The following TRARG1 variants were observed in gnomAD, a reference collection of about 807,000 sequenced individuals.
TRARG1 encodes the protein trafficking regulator of GLUT4 1.
Under a neutral mutation model 13.3 loss-of-function variants are expected in TRARG1, and 16 were observed. That is an observed-to-expected ratio of 1.20 (90% CI 0.81 to 1.83). The LOEUF is 1.83. Ranked by LOEUF, TRARG1 falls within the 40% of genes most tolerant of loss-of-function variation. The probability of loss-of-function intolerance (pLI) is 0.00; values close to 1 mark genes in which losing one functional copy is unlikely to be tolerated. For missense variants in TRARG1, 250 were observed against 237.4 expected (o/e 1.05, Z -0.35); for synonymous variants, 113 against 106.2 (o/e 1.06, Z -0.39).
rs1368006465 is a variant in TRARG1, at chr17:1,280,090, T to C, written c.89T>C (p.Leu30Pro). The change falls in exon 1 of 3, where the codon CTC (leucine) becomes CCC (proline). Residue 30 changes from leucine to proline, a missense_variant. Physicochemically the swap from Leu to Pro is moderately conservative, Grantham distance 98 (BLOSUM62 -3). Transcript: ENST00000333813. ...GACCTGCCGGAGATGGAGATACTCC[T>C]CACCAAGGCAGAGAACAAGGATGAC... is the stretch of plus-strand genomic sequence containing the variant. ...FLDLPEMEIL[L>P]TKAENKDDKT... 1.2e-6 allele frequency: 2 copies of C among 1,613,586 alleles called. No homozygotes were observed. The highest frequency in any genetic ancestry group is 2.2e-5 in the South Asian group (2 of 91,074).
intron 1 of TRARG1, among the ~76,000 whole-genome samples, chr17:1,281,005 G>A (rs541253513): frequency 2.0e-5 from 3 of 152,206 alleles, no homozygotes; most frequent in African/African-American, 7.2e-5. Flanking sequence ...CCACAGCTAC[G>A]CTGACTTCAG....
In TRARG1 at chr17:1,285,868, G is replaced by A. The variant is rs2072016092; in HGVS notation, c.387+5480G>A. On this transcript the variant is annotated intron_variant, in intron 1 of 2. Transcript: ENST00000333813. ...TATTTTGAAAAGGAGATTCCAGGAG[G>A]TGGAAGGAAATCTTGGAAAGGGGCA... Among the ~76,000 whole-genome samples the A allele has an allele frequency of 2.0e-5, 3 of 152,282 alleles. 1 individual carries two copies. In the Middle Eastern group the frequency reaches 0.01, roughly 518 times the overall value.
intron 1 of TRARG1, among the ~76,000 whole-genome samples, chr17:1,282,422 G>T (rs2071990532): frequency 6.6e-6 from 1 of 151,970 alleles, no homozygotes; most frequent in Non-Finnish European, 1.5e-5. Flanking sequence ...CCAGGCTGGA[G>T]TGCAATGGTG....
rs1454723350 is a variant in TRARG1 at position 1,296,177 on chromosome 17, C to T, written c.520+554C>T. The stretch of plus-strand genomic sequence containing the variant: ...GGTGAAGTCATCCAACCAGGGGAAA[C>T]ATTTTTTATTATTTTGTATTAATTA... On this transcript the variant is annotated intron_variant, in intron 2 of 2. Transcript: ENST00000333813. 3.3e-5 allele frequency among the ~76,000 whole-genome samples: 5 copies of T among 152,332 alleles called. No homozygotes were observed. The South Asian group carries it at 6.2e-4, about 19-fold the overall frequency.
At position 1,298,897 on chromosome 17, in the gene TRARG1, G is replaced by C. The variant is rs531667622; in HGVS notation, c.*633G>C. 1 of 152,334 alleles carries C rather than the reference G, an allele frequency of 6.6e-6. No homozygotes were observed. The highest frequency in any genetic ancestry group is 1.5e-5 in the Non-Finnish European group (1 of 68,114). 9.4% of individuals were successfully genotyped at this position (152,334 alleles called of 1,614,324 possible). On this transcript the variant is annotated 3_prime_UTR_variant, in exon 3 of 3. Coordinates refer to ENST00000333813, the MANE Select transcript of TRARG1 (RefSeq NM_172367.3). ...GCAACTGCCTCACTTAACATCCTCC[G>C]CTGCAAGGTGGTGGCGCCGAGAGGC...
intron 1 of TRARG1, among the ~76,000 whole-genome samples, chr17:1,293,366 C>T (rs1426224901): frequency 2.7e-5 from 4 of 150,898 alleles, no homozygotes; most frequent in South Asian, 4.2e-4. Flanking sequence ...GAGGGAGGAG[C>T]GGAGCTCAGG....
intron 1 of TRARG1, among the ~76,000 whole-genome samples, chr17:1,289,419 C>T (rs1283830260): frequency 1.3e-4 from 8 of 59,356 alleles, no homozygotes; most frequent in Non-Finnish European, 2.5e-4. Context: ...CAACCCCCTC[C>T]GGCTCCTCAT....
rs1351690602 is a variant in TRARG1, at chr17:1,299,100, C to T, written c.*836C>T. On this transcript the variant is annotated 3_prime_UTR_variant, in exon 3 of 3. Coordinates refer to ENST00000333813, the MANE Select transcript of TRARG1 (RefSeq NM_172367.3). ...ACCAGACCTGGCCAAGGTCAGCCAG[C>T]GGGGAGGGCCGAGGTCTGAGCTCTC... is the stretch of plus-strand genomic sequence containing the variant. The T allele has an allele frequency of 1.3e-5, 2 of 152,350 alleles. No individual in the cohort carries two copies. The highest frequency in any genetic ancestry group is 2.9e-5 in the Non-Finnish European group (2 of 68,128). The allele number at this position is 152,350 out of a possible 1,614,324, so 9.4% of individuals were successfully genotyped here.
At chr17:1,287,622 A>T (rs1313528345) in intron 1 of TRARG1, among the ~76,000 whole-genome samples, 1 of 146,648 alleles carries the variant, frequency 6.8e-6, no homozygotes, top group Non-Finnish European at 1.5e-5. Flanking sequence ...CAGCCTCCCA[A>T]AGTGCTGGGA....
intron 1 of TRARG1, among the ~76,000 whole-genome samples, chr17:1,282,266 A>ATATATGTACGTATATGTACG (rs2071986143): frequency 2.5e-5 from 2 of 78,980 alleles, no homozygotes; most frequent in Non-Finnish European, 5.2e-5. Flanking sequence ...GTATATGTAC[A>ATATATGTACGTATATGTACG]TATATGCACG....
chr17:1,299,281 G>C lies in TRARG1; in HGVS notation c.*1017G>C. 6.6e-6 allele frequency: 1 copy of C among 152,336 alleles called. No homozygotes were observed. 9.4% of individuals were successfully genotyped at this position (152,336 alleles called of 1,614,324 possible). On this transcript the variant is annotated 3_prime_UTR_variant, in exon 3 of 3. Coordinates refer to ENST00000333813, the MANE Select transcript of TRARG1 (RefSeq NM_172367.3). ...ACAGCAGAGGCCTTCCCTGGAGGAG[G>C]CTTTGGGACCACCCCTGGGGGGACT... is the stretch of plus-strand genomic sequence containing the variant.
chr17:1,286,486 G>A (rs2072023482), intron 1 of TRARG1, among the ~76,000 whole-genome samples: 1 of 148,348 alleles, frequency 6.7e-6, no homozygotes, highest in South Asian at 2.1e-4. Flanking sequence ...ATCAGCCTGT[G>A]GGGTGTTTTT....
chr17:1,296,306 C>T (rs1014988796), intron 2 of TRARG1, among the ~76,000 whole-genome samples: 2 of 151,956 alleles, frequency 1.3e-5, no homozygotes, highest in Non-Finnish European at 2.9e-5. Flanking sequence ...AAGTGATTCT[C>T]CTGCCTCAGC....
At chr17:1,281,102 A>G (rs1198820850) in intron 1 of TRARG1, among the ~76,000 whole-genome samples, 1 of 152,196 alleles carries the variant, frequency 6.6e-6, no homozygotes, top group African/African-American at 2.4e-5. Context: ...AGGAAGGGGC[A>G]TGGGGCCGGG....
In TRARG1 at chr17:1,299,147, T is replaced by TG. The variant is rs1290759244; in HGVS notation, c.*885dup. 1.3e-5 allele frequency: 2 copies of TG among 152,366 alleles called. No homozygotes were observed. Among genetic ancestry groups the TG allele is most frequent in the African/African-American group, 4.8e-5 (2 of 41,466 alleles). 9.4% of individuals were successfully genotyped at this position (152,366 alleles called of 1,614,324 possible). A position where few individuals can be genotyped will look rare whatever the true frequency, so the allele number is the denominator to read the frequency against. The stretch of plus-strand genomic sequence containing the variant: ...TCTCGTCCTGCCGTGGCCCCCGCGA[T>TG]GGCCTGGGGTGCAAGCTTGGGGCTC... On this transcript the variant is annotated 3_prime_UTR_variant, in exon 3 of 3. Coordinates refer to ENST00000333813, the MANE Select transcript of TRARG1 (RefSeq NM_172367.3).
rs2072148596 is a variant in TRARG1, at chr17:1,300,627, G to C, written c.*2363G>C. The C allele has an allele frequency of 6.5e-6, 1 of 152,678 alleles. No homozygotes were observed. Among genetic ancestry groups the C allele is most frequent in the East Asian group, 1.9e-4 (1 of 5,196 alleles). 9.5% of individuals were successfully genotyped at this position (152,678 alleles called of 1,614,324 possible). On this transcript the variant is annotated 3_prime_UTR_variant, in exon 3 of 3. Coordinates refer to ENST00000333813, the MANE Select transcript of TRARG1 (RefSeq NM_172367.3). ...CCTAGGGCACCAGGGACAGAGCTCA[G>C]AGGCCCCCGAGGTGTGTGTAGGAGG...
intron 1 of TRARG1, among the ~76,000 whole-genome samples, chr17:1,291,132 C>A (rs1339990164): frequency 6.6e-5 from 10 of 152,136 alleles, no homozygotes; most frequent in Non-Finnish European, 7.4e-5. Flanking sequence ...TCTCGAACTC[C>A]TGACCTCAGG....
Position 1,298,525 on chromosome 17 carries a change from C to G in TRARG1, c.*261C>G. ...CCGGACGCGTCCTGGGATCTCAACC[C>G]CAGCAGTCTGGCTTGTTTCTCATTC... is the stretch of plus-strand genomic sequence containing the variant. On this transcript the variant is annotated 3_prime_UTR_variant, in exon 3 of 3. Transcript: ENST00000333813. 2.3e-6 allele frequency: 1 copy of G among 431,926 alleles called. No homozygotes were observed. Among genetic ancestry groups the G allele is most frequent in the South Asian group, 6.4e-5 (1 of 15,658 alleles). 26.8% of individuals were successfully genotyped at this position (431,926 alleles called of 1,614,324 possible). A position where few individuals can be genotyped will look rare whatever the true frequency, so the allele number is the denominator to read the frequency against.
intron 1 of TRARG1, 87 bp from the exon 2 acceptor site, chr17:1,295,404 G>T: frequency 2.0e-6 from 3 of 1,489,518 alleles, no homozygotes; most frequent in Non-Finnish European, 2.7e-6. Flanking sequence ...CCCAGGCTCA[G>T]GGCCACCCCA....
Sources: allele counts gnomAD v4.1 joint callset (sites outside exome capture counted in the v4.1 genomes callset), GRCh38; gene constraint gnomAD v4.1.1; transcripts MANE v1.5; gene names NCBI Gene and HGNC (gene_info 2026-07-23, HGNC 2026-07-21).